The following CXXC5 variants were observed in gnomAD, a reference collection of about 807,000 sequenced individuals.
CXXC5 encodes the protein CXXC-type zinc finger protein 5.
CXXC5 carries 2 observed loss-of-function variants against 17.6 expected under a neutral mutation model. That is an observed-to-expected ratio of 0.11 (90% CI 0.05 to 0.36). The LOEUF is 0.36. Among genes scored for constraint, CXXC5 ranks in the 10% least tolerant of loss-of-function variants. CXXC5 has a pLI of 1.00. For missense variants in CXXC5, 343 were observed against 458.3 expected (o/e 0.75, Z 2.30); for synonymous variants, 171 against 193.0 (o/e 0.89, Z 0.94).
At chr5:139,651,509 C>CT (rs1581558377) in intron 1 of CXXC5, among the ~76,000 whole-genome samples, 1 of 152,218 alleles carries the variant, frequency 6.6e-6, no homozygotes, top group Non-Finnish European at 1.5e-5. Flanking sequence ...TGCCCCTTTC[C>CT]TGCTCTGCCT....
chr5:139,651,755 C>T (rs1204095784), intron 1 of CXXC5, among the ~76,000 whole-genome samples: 2 of 151,982 alleles, frequency 1.3e-5, no homozygotes, highest in Non-Finnish European at 2.9e-5. Context: ...TGAGGGAATA[C>T]GGGTGAGCCA....
Position 139,680,951 on chromosome 5 carries a change from G to A in CXXC5, c.428G>A (p.Ser143Asn). The A allele has an allele frequency of 1.2e-6, 2 of 1,601,824 alleles. No homozygotes were observed. Among genetic ancestry groups the A allele is most frequent in the Non-Finnish European group, 1.7e-6 (2 of 1,179,938 alleles). ...AAGCACAAAAGTGGTGCTGTGGCCA[G>A]CCTGCTGAGCAAGGCAGAGCGGGCC... The part of the protein sequence containing the change: ...TSKHKSGAVA[S>N]LLSKAERATE... The change falls in exon 2 of 3, where the codon AGC becomes AAC. Residue 143 changes from serine (S) to asparagine (N), a missense_variant. Around this residue, in one of 4 missense-constraint regions of CXXC5, gnomAD observed 297 missense variants for 363.4 expected, o/e 0.82. Transcript: ENST00000302517.
chr5:139,669,702 G>A (rs186092671), intron 1 of CXXC5, among the ~76,000 whole-genome samples: 8 of 152,098 alleles, frequency 5.3e-5, no homozygotes, highest in African/African-American at 1.7e-4. Context: ...CCATACTCAC[G>A]CTTTACTTCC....
At position 139,680,495 on chromosome 5, in the gene CXXC5, T is replaced by G; in HGVS notation, c.-29T>G. On this transcript the variant is annotated 5_prime_UTR_variant, in exon 2 of 3. Transcript: ENST00000302517. Reference sequence around the variant, plus strand: ...CCCTCGGCAGTTGGCAGGCTCCCTCTGCAGTGGGGTCTGGGCCTCGGCCCC... The same window carrying G: ...CCCTCGGCAGTTGGCAGGCTCCCTCGGCAGTGGGGTCTGGGCCTCGGCCCC... The G allele has an allele frequency of 6.5e-7, 1 of 1,535,630 alleles. No homozygotes were observed. The highest frequency in any genetic ancestry group is 8.7e-7 in the Non-Finnish European group (1 of 1,143,044).
chr5:139,669,859 C>T (rs554914496), intron 1 of CXXC5, among the ~76,000 whole-genome samples: 1 of 152,310 alleles, frequency 6.6e-6, no homozygotes, highest in African/African-American at 2.4e-5. Context: ...CTGCAGTGGC[C>T]CTGCTCCCAC....
At chr5:139,677,262 C>T (rs905243154) in intron 1 of CXXC5, among the ~76,000 whole-genome samples, 2 of 152,122 alleles carry the variant, frequency 1.3e-5, no homozygotes, top group Non-Finnish European at 1.5e-5. Flanking sequence ...ATTCCCGCTC[C>T]GCTTCAACGC....
Position 139,668,757 on chromosome 5 carries a change from G to A in CXXC5, c.-160-11607G>A, listed in dbSNP as rs1269356441. Among the ~76,000 whole-genome samples, 1 of 152,206 alleles carries A rather than the reference G, an allele frequency of 6.6e-6. No individual in the cohort carries two copies. Among genetic ancestry groups the A allele is most frequent in the Non-Finnish European group, 1.5e-5 (1 of 68,016 alleles). ...CCAGGCGGAGCGGAGAAGGCTGGGG[G>A]ATGACTGATAGGGGGAGTCGGGAGG... On this transcript the variant is annotated intron_variant, in intron 1 of 2. Transcript: ENST00000302517. This position sits in a 1 kb window ranked among gnomAD's most constrained non-coding sequence, Gnocchi z 4.1.
intron 1 of CXXC5, among the ~76,000 whole-genome samples, chr5:139,675,172 G>A (rs1252926509): frequency 5.9e-5 from 9 of 152,200 alleles, no homozygotes. Context: ...AAGGTACAGG[G>A]CTGCTGTCGA....
chr5:139,661,923 G>A lies in CXXC5; in HGVS notation c.-161+13078G>A, dbSNP rs1755840430. Among the ~76,000 whole-genome samples the A allele has an allele frequency of 6.6e-6, 1 of 152,220 alleles. No individual in the cohort carries two copies. The highest frequency in any genetic ancestry group is 2.1e-4 in the South Asian group (1 of 4,832). On this transcript the variant is annotated intron_variant, in intron 1 of 2. Coordinates refer to ENST00000302517, the MANE Select transcript of CXXC5 (RefSeq NM_016463.9). The surrounding 1 kb of genome is among the most constrained non-coding windows in gnomAD (Gnocchi z 4.7). ...TTAAACCCACTGCCCTCTAGTACGG[G>A]GCCTCTGGCCCAGGCAGAGTGGGTT... is the stretch of plus-strand genomic sequence containing the variant.
intron 1 of CXXC5, among the ~76,000 whole-genome samples, chr5:139,673,855 AGAG>A (rs1756627240): frequency 9.8e-6 from 1 of 101,810 alleles, no homozygotes; most frequent in East Asian, 2.1e-4. Context: ...AAAAAAAAAA[AGAG>A]AGAGAGAAAA....
Position 139,658,869 on chromosome 5 carries a change from A to G in CXXC5, c.-161+10024A>G, listed in dbSNP as rs1463362157. Among the ~76,000 whole-genome samples, 1 of 152,224 alleles carries G rather than the reference A, an allele frequency of 6.6e-6. No homozygotes were observed. The highest frequency in any genetic ancestry group is 1.5e-5 in the Non-Finnish European group (1 of 68,044). On this transcript the variant is annotated intron_variant, in intron 1 of 2. Coordinates refer to ENST00000302517, the MANE Select transcript of CXXC5 (RefSeq NM_016463.9). This position sits in a 1 kb window ranked among gnomAD's most constrained non-coding sequence, Gnocchi z 4.1. ...ACCACTGTTGAACTGTAGGAGAGTT[A>G]GGAGTGTCATCTAGAGCAGCCTAGC...
chr5:139,650,006 T>C (rs1405754715), intron 1 of CXXC5, among the ~76,000 whole-genome samples: 1 of 152,044 alleles, frequency 6.6e-6, no homozygotes, highest in Non-Finnish European at 1.5e-5. Flanking sequence ...GTGACCCCGG[T>C]TTTTAAATGG....
At chr5:139,677,006 C>T (rs1468003299) in intron 1 of CXXC5, among the ~76,000 whole-genome samples, 5 of 151,446 alleles carry the variant, frequency 3.3e-5, no homozygotes, top group African/African-American at 4.9e-5. Context: ...GCTCTGTCCC[C>T]GCCCGTCAGC....
In CXXC5 at chr5:139,681,231, C is replaced by T. The variant is rs1305971268; in HGVS notation, c.708C>T (p.His236=). Residue 236 remains histidine, a synonymous_variant, in exon 2 of 3, where the codon CAC becomes CAT. Coordinates refer to ENST00000302517, the MANE Select transcript of CXXC5 (RefSeq NM_016463.9). The part of the protein sequence containing the change: ...AGVFLAESAL[H]MAGLAEYPMQ... ...TGTTCCTGGCCGAGAGCGCGCTGCA[C>T]ATGGCGGGCCTGGCTGAGTACCCCA... 1.6e-5 allele frequency: 25 copies of T among 1,612,012 alleles called. No homozygotes were observed. The highest frequency in any genetic ancestry group is 1.6e-4 in the Middle Eastern group (1 of 6,082).
At position 139,661,121 on chromosome 5, in the gene CXXC5, C is replaced by T. The variant is rs1435504469; in HGVS notation, c.-161+12276C>T. ...TGCTGCAGCCTCCCCTTTTCAGAGG[C>T]CTGGGGAAGCAGCAGGTTATTTATC... On this transcript the variant is annotated intron_variant, in intron 1 of 2. Coordinates refer to ENST00000302517, the MANE Select transcript of CXXC5 (RefSeq NM_016463.9). This position sits in a 1 kb window ranked among gnomAD's most constrained non-coding sequence, Gnocchi z 4.7. 6.6e-6 allele frequency among the ~76,000 whole-genome samples: 1 copy of T among 152,174 alleles called. No individual in the cohort carries two copies. Among genetic ancestry groups the T allele is most frequent in the Non-Finnish European group, 1.5e-5 (1 of 68,016 alleles).
chr5:139,652,703 T>A (rs1380051802), intron 1 of CXXC5, among the ~76,000 whole-genome samples: 1 of 152,200 alleles, frequency 6.6e-6, no homozygotes, highest in Non-Finnish European at 1.5e-5. Context: ...AGTGTGTGGA[T>A]CTGTAGTGTA....
chr5:139,679,104 C>T (rs183355808), intron 1 of CXXC5, among the ~76,000 whole-genome samples: 4 of 152,304 alleles, frequency 2.6e-5, no homozygotes, highest in African/African-American at 4.8e-5. Context: ...TTGAGGGTCA[C>T]GCCTACTCCT....
chr5:139,653,785 G>C (rs1755336810), intron 1 of CXXC5, among the ~76,000 whole-genome samples: 1 of 152,118 alleles, frequency 6.6e-6, no homozygotes, highest in Non-Finnish European at 1.5e-5. Context: ...TCCCCCGCCA[G>C]CTCAATTAGA....
At chr5:139,664,550 G>C (rs1477883876) in intron 1 of CXXC5, among the ~76,000 whole-genome samples, 1 of 152,162 alleles carries the variant, frequency 6.6e-6, no homozygotes, top group African/African-American at 2.4e-5. Context: ...CTTTACTAGA[G>C]GCTAGTCCCA....
Sources: gnomAD v4.1 joint callset for allele counts (sites outside exome capture counted in the v4.1 genomes callset) on GRCh38, gnomAD v4.1.1 for gene constraint, gnomAD v4.1.1 regional missense constraint, Gnocchi (gnomAD v3.1) non-coding constraint, MANE v1.5 for transcripts, NCBI Gene and HGNC (gene_info 2026-07-23, HGNC 2026-07-21) for gene names.